Variants in NALF1 observed in about 807,000 individuals in gnomAD.
The protein encoded by NALF1 is NALCN channel auxiliary factor 1, also known as family with sequence similarity 155 member A.
In NALF1, 3 loss-of-function variants were observed where a neutral mutation model predicts 48.4. That is an observed-to-expected ratio of 0.06 (90% confidence interval 0.03 to 0.16). The LOEUF is 0.16. Ranked by LOEUF, NALF1 falls within the 10% of genes least tolerant of loss-of-function variation. The pLI is 1.00. For missense variants in NALF1, 526 were observed against 571.5 expected, an observed-to-expected ratio of 0.92 and a Z score of 0.81; for synonymous variants, 262 against 245.7, an observed-to-expected ratio of 1.07 and a Z score of -0.62.
chr13:107,680,516 GGGTGTGTGAGGAGTGTGTATGTGAT>G (rs1881264496), intron 1 of NALF1, among the ~76,000 whole-genome samples: 1 of 151,914 alleles, frequency 6.6e-6, no homozygotes. Context: ...GCACGAGTGA[GGGTGTGTGAGGAGTGTGTATGTGAT>G]GGTGTGTGGT....
rs192910122 is a variant in NALF1, at chr13:107,233,116, G to A, written c.916-22361C>T. 4.5e-4 allele frequency among the ~76,000 whole-genome samples: 68 copies of A among 152,248 alleles called. No individual in the cohort carries two copies. In the East Asian group the frequency reaches 6.0e-3, roughly 13 times the overall value. Reference sequence around the variant, plus strand: ...TTTTAATTCTATGCATTTAAGAACTGACATAAAACAACTAAAACAGTTAAG... The same window carrying A: ...TTTTAATTCTATGCATTTAAGAACTAACATAAAACAACTAAAACAGTTAAG... On this transcript the variant is annotated intron_variant, in intron 1 of 2. Transcript: ENST00000375915.
intron 1 of NALF1, among the ~76,000 whole-genome samples, chr13:107,543,696 C>CACACACACATACATACAT (rs1877056025): frequency 2.6e-5 from 4 of 151,358 alleles, no homozygotes; most frequent in Non-Finnish European, 5.9e-5. Flanking sequence ...CGTATATACA[C>CACACACACATACATACAT]GTATATATAT....
At chr13:107,350,329 C>G (rs1367339868) in intron 1 of NALF1, among the ~76,000 whole-genome samples, 3 of 152,076 alleles carry the variant, frequency 2.0e-5, no homozygotes, top group African/African-American at 7.2e-5. Context: ...AATTAAAAAG[C>G]TTTATAGATG....
intron 1 of NALF1, among the ~76,000 whole-genome samples, chr13:107,830,969 G>C (rs1317681242): frequency 2.0e-5 from 3 of 152,224 alleles, no homozygotes; most frequent in Non-Finnish European, 4.4e-5. Flanking sequence ...GTTCCGCAAA[G>C]AGCATGGGCT....
intron 1 of NALF1, among the ~76,000 whole-genome samples, chr13:107,808,953 G>A (rs914009879): frequency 6.6e-6 from 1 of 152,050 alleles, no homozygotes; most frequent in Non-Finnish European, 1.5e-5. Flanking sequence ...CTGCTTATAT[G>A]AACTTCAAGA....
At chr13:107,676,620 A>AT (rs1566439852) in intron 1 of NALF1, among the ~76,000 whole-genome samples, 17 of 151,842 alleles carry the variant, frequency 1.1e-4, no homozygotes, top group South Asian at 2.1e-4. Context: ...AATTTAATTA[A>AT]TTAAATTAAA....
At chr13:107,711,682 G>GGTCT (rs778914649) in intron 1 of NALF1, among the ~76,000 whole-genome samples, 22 of 152,148 alleles carry the variant, frequency 1.4e-4, no homozygotes, top group Non-Finnish European at 2.6e-4. Context: ...TGTTCCATAA[G>GGTCT]GTCTGTGTGG....
At chr13:107,177,571 GA>G (rs1878963832) in intron 2 of NALF1, among the ~76,000 whole-genome samples, 1 of 152,056 alleles carries the variant, frequency 6.6e-6, no homozygotes, top group African/African-American at 2.4e-5. Context: ...ACAGAATAGA[GA>G]ACCCAAAAAC....
At chr13:107,546,712 A>C (rs1215406946) in intron 1 of NALF1, among the ~76,000 whole-genome samples, 2 of 152,050 alleles carry the variant, frequency 1.3e-5, no homozygotes, top group Non-Finnish European at 2.9e-5. Context: ...AACAAATTCC[A>C]CTGATGTAGT....
chr13:107,787,495 T>C (rs370785192), intron 1 of NALF1, among the ~76,000 whole-genome samples: 2 of 152,228 alleles, frequency 1.3e-5, no homozygotes, highest in African/African-American at 2.4e-5. Flanking sequence ...TCTATAGTTT[T>C]ACAATCAATG....
intron 1 of NALF1, among the ~76,000 whole-genome samples, chr13:107,486,440 G>A (rs1413852009): frequency 2.0e-5 from 3 of 152,174 alleles, no homozygotes; most frequent in African/African-American, 7.2e-5. Context: ...AATCTAGGAA[G>A]AAGGAGCTTT....
chr13:107,788,971 T>C, intron 1 of NALF1: 1 of 152,254 alleles, frequency 6.6e-6, no homozygotes, highest in South Asian at 2.1e-4. Flanking sequence ...GAACCTTAAT[T>C]AGATAGCAGA....
At chr13:107,646,623 TTAATG>T (rs1415345443) in intron 1 of NALF1, among the ~76,000 whole-genome samples, 2 of 152,164 alleles carry the variant, frequency 1.3e-5, no homozygotes, top group Non-Finnish European at 2.9e-5. Context: ...TTTTTCTCTA[TTAATG>T]TAATCTGTAT....
intron 2 of NALF1, among the ~76,000 whole-genome samples, chr13:107,207,637 C>A (rs1879670950): frequency 6.6e-6 from 1 of 152,156 alleles, no homozygotes. Context: ...TCAGGTCCAG[C>A]AGTGCACTCT....
intron 1 of NALF1, among the ~76,000 whole-genome samples, chr13:107,837,920 T>TA (rs56351148): frequency 0.18 from 27,728 of 150,580 alleles, 2,756 homozygotes; most frequent in East Asian, 0.36. Context: ...GTATACAGAT[T>TA]AAAAAAAAAC....
chr13:107,293,201 C>T (rs1159838902), intron 1 of NALF1, among the ~76,000 whole-genome samples: 2 of 151,812 alleles, frequency 1.3e-5, no homozygotes, highest in South Asian at 2.1e-4. Context: ...AGGATGCTCT[C>T]GATCTCCTGA....
At chr13:107,275,408 C>T (rs929553623) in intron 1 of NALF1, among the ~76,000 whole-genome samples, 33 of 147,932 alleles carry the variant, frequency 2.2e-4, no homozygotes, top group African/African-American at 7.8e-4. Context: ...GGGTTCTGCA[C>T]TTGACAGACC....
At chr13:107,510,231 G>A (rs1875840954) in intron 1 of NALF1, among the ~76,000 whole-genome samples, 1 of 152,158 alleles carries the variant, frequency 6.6e-6, no homozygotes, top group African/African-American at 2.4e-5. Context: ...TTTCACTGAT[G>A]TTTTCACACC....
In NALF1 at chr13:107,266,438, C is replaced by T. The variant is rs561691200; in HGVS notation, c.916-55683G>A. On this transcript the variant is annotated intron_variant, in intron 1 of 2. Transcript: ENST00000375915. The stretch of plus-strand genomic sequence containing the variant: ...CTGTACTGTTGACAAGGTTTCACAC[C>T]GTCACGCAAACATTCATTTCCTTTT... Among the ~76,000 whole-genome samples, 21 of 152,272 alleles carry T rather than the reference C, an allele frequency of 1.4e-4. No individual in the cohort carries two copies. In the East Asian group the frequency reaches 2.3e-3, roughly 17 times the overall value.
Sources: gnomAD v4.1 joint callset for allele counts (sites outside exome capture counted in the v4.1 genomes callset) on GRCh38, gnomAD v4.1.1 for gene constraint, MANE v1.5 for transcripts, NCBI Gene and HGNC (gene_info 2026-07-23, HGNC 2026-07-21) for gene names.